Variants in SYTL5 observed in about 807,000 individuals in gnomAD.
The protein encoded by SYTL5 is synaptotagmin-like protein 5.
SYTL5 carries 34 observed loss-of-function variants against 55.9 expected under a neutral mutation model. The ratio of observed to expected loss-of-function variants is 0.61; its 90% CI spans 0.46 to 0.81. The LOEUF (loss-of-function observed/expected upper bound fraction) is 0.81, where lower values mean the gene tolerates loss of function less well. Among genes scored for constraint, SYTL5 ranks in the 30% least tolerant of loss-of-function variants. The pLI is 0.00. For synonymous variants in SYTL5, 221 were observed against 188.7 expected (o/e 1.17, Z -1.40); for missense variants, 637 against 546.7 (o/e 1.17, Z -1.65).
intron 9 of SYTL5, 58 bp downstream of exon 9, chrX:38,096,292 C>A: frequency 1.4e-6 from 1 of 713,454 alleles, no homozygotes; most frequent in Non-Finnish European, 2.1e-6. Flanking sequence ...CATAATCTTG[C>A]TCCAAGTGGT....
rs763440382 is a variant in SYTL5 at position 38,105,933 on chromosome X, T to C, written c.1156-660T>C. On this transcript the variant is annotated intron_variant, in intron 10 of 16. Transcript: ENST00000297875. ...GTTGGTGTGTGATTTTATTGTGTAGTAGTTTATTTTGTGGGCTGCTACTTT... is the reference window on the plus strand; with the variant it reads ...GTTGGTGTGTGATTTTATTGTGTAGCAGTTTATTTTGTGGGCTGCTACTTT... Among the ~76,000 whole-genome samples, 12 of 112,059 alleles carry C rather than the reference T, an allele frequency of 1.1e-4. 1 individual carries two copies. Among genetic ancestry groups the C allele is most frequent in the Admixed American group, 1.9e-4 (2 of 10,572 alleles).
At chrX:38,027,250 C>T (rs1602317207) in intron 1 of SYTL5, among the ~76,000 whole-genome samples, 1 of 112,142 alleles carries the variant, frequency 8.9e-6, no homozygotes, top group East Asian at 2.8e-4. Flanking sequence ...TATTCCACAA[C>T]AGTAAAGCAA....
chrX:37,911,206 G>A, the SYTL5 span, among the ~76,000 whole-genome samples: 6 of 110,094 alleles, frequency 5.4e-5, no homozygotes, highest in Admixed American at 2.9e-4. Flanking sequence ...TCCTGACCTC[G>A]AGTGATCTGC....
At chrX:38,105,328 T>C (rs1036995796) in intron 10 of SYTL5, among the ~76,000 whole-genome samples, 1 of 113,043 alleles carries the variant, frequency 8.8e-6, no homozygotes, top group African/African-American at 3.2e-5. Context: ...CAGGAAGTCC[T>C]GCCAACGTGT....
intron 11 of SYTL5, among the ~76,000 whole-genome samples, chrX:38,107,119 T>G (rs915431118): frequency 3.6e-5 from 4 of 112,058 alleles, no homozygotes; most frequent in African/African-American, 1.3e-4. Context: ...ATTACCAAAC[T>G]GTTACCCAAT....
At chrX:38,037,667 C>T (rs73632434) in intron 2 of SYTL5, among the ~76,000 whole-genome samples, 5,820 of 111,000 alleles carry the variant, frequency 0.052, 128 homozygotes, top group African/African-American at 0.073. Context: ...TGGCTTTTCT[C>T]CCTTTATCTC....
the SYTL5 span, among the ~76,000 whole-genome samples, chrX:37,975,879 T>C: frequency 8.9e-6 from 1 of 111,742 alleles, no homozygotes; most frequent in South Asian, 3.8e-4. Context: ...GCTTTAGATA[T>C]CGGTACATTT....
intron 6 of SYTL5, among the ~76,000 whole-genome samples, chrX:38,079,148 T>C (rs1288740810): frequency 8.9e-6 from 1 of 111,937 alleles, no homozygotes; most frequent in Non-Finnish European, 1.9e-5. Context: ...CTGAAGAGAC[T>C]GTAAGATCCC....
chrX:37,926,425 A>G, the SYTL5 span, among the ~76,000 whole-genome samples: 3 of 110,757 alleles, frequency 2.7e-5, no homozygotes, highest in South Asian at 1.2e-3. Flanking sequence ...ATGTTTCACA[A>G]GAGCAGGGGC....
chrX:37,925,230 C>T, the SYTL5 span, among the ~76,000 whole-genome samples: 7 of 111,661 alleles, frequency 6.3e-5, no homozygotes, highest in African/African-American at 2.3e-4. Context: ...CTTTTTATGG[C>T]CAAATAGTAT....
chrX:37,991,519 C>T, the SYTL5 span, among the ~76,000 whole-genome samples: 10 of 110,985 alleles, frequency 9.0e-5, no homozygotes, highest in African/African-American at 3.3e-4. Context: ...ATAAAGACAC[C>T]GAGACTTCCT....
chrX:37,939,601 T>C, the SYTL5 span: 1 of 112,489 alleles, frequency 8.9e-6, no homozygotes, highest in South Asian at 3.7e-4. Flanking sequence ...CTGAGCGCCA[T>C]CAATTATACA....
At chrX:38,096,028 G>A (rs999341921) in intron 8 of SYTL5, 106 bp from the exon 9 acceptor site, 1 of 420,065 alleles carries the variant, frequency 2.4e-6, no homozygotes, top group East Asian at 3.8e-5. Context: ...TTTATGATCT[G>A]TGCCTAAAAA....
intron 13 of SYTL5, among the ~76,000 whole-genome samples, chrX:38,119,687 G>C (rs1173377397): frequency 1.8e-5 from 2 of 111,984 alleles, no homozygotes; most frequent in South Asian, 7.4e-4. Flanking sequence ...ATTTCTCTGG[G>C]ATAAATGACC....
intron 2 of SYTL5, among the ~76,000 whole-genome samples, chrX:38,034,770 T>G (rs1024795208): frequency 2.7e-5 from 3 of 112,201 alleles, no homozygotes; most frequent in Non-Finnish European, 5.6e-5. Context: ...GTCACATCAT[T>G]GTTCTGATCA....
intron 13 of SYTL5, among the ~76,000 whole-genome samples, chrX:38,114,692 A>T (rs929011441): frequency 1.8e-5 from 2 of 111,655 alleles, no homozygotes. Context: ...AGAACACATA[A>T]AATTTACTCT....
At chrX:37,991,033 T>C in the SYTL5 span, 1 of 1,211,660 alleles carries the variant, frequency 8.3e-7, no homozygotes, top group Non-Finnish European at 1.1e-6. Flanking sequence ...GACTACATCA[T>C]GGAGCGGGTA....
chrX:37,889,328 T>C, the SYTL5 span, among the ~76,000 whole-genome samples: 3 of 111,951 alleles, frequency 2.7e-5, no homozygotes, highest in African/African-American at 9.7e-5. Flanking sequence ...TATACTTCTT[T>C]ATCATAAAAA....
the SYTL5 span, among the ~76,000 whole-genome samples, chrX:37,918,892 A>G: frequency 9.0e-6 from 1 of 110,522 alleles, no homozygotes; most frequent in African/African-American, 3.3e-5. Context: ...TGACTACTAG[A>G]TTATAAACCA....
Sources: allele counts gnomAD v4.1 joint callset (sites outside exome capture counted in the v4.1 genomes callset), GRCh38; gene constraint gnomAD v4.1.1; transcripts MANE v1.5; gene names NCBI Gene and HGNC (gene_info 2026-07-23, HGNC 2026-07-21).